FAM117A: variants seen among roughly 807,000 people sequenced by gnomAD.
The protein encoded by FAM117A is protein FAM117A.
FAM117A carries 21 observed loss-of-function variants against 44.1 expected under a neutral mutation model. That is an observed-to-expected ratio of 0.48 (90% CI 0.34 to 0.69). The LOEUF is 0.69. FAM117A is among the 30% of genes least tolerant of loss of function. The pLI, the probability that FAM117A is intolerant of heterozygous loss-of-function variation, is 0.01. For missense variants in FAM117A, 498 were observed against 589.9 expected (o/e 0.84, Z 1.61); for synonymous variants, 220 against 238.3 (o/e 0.92, Z 0.71).
intron 2 of FAM117A, among the ~76,000 whole-genome samples, chr17:49,726,113 G>T (rs1273409505): frequency 6.6e-6 from 1 of 152,182 alleles, no homozygotes; most frequent in Non-Finnish European, 1.5e-5. Context: ...CATTTCTGTG[G>T]TATTAAGCCA....
intron 1 of FAM117A, among the ~76,000 whole-genome samples, chr17:49,753,530 T>C (rs2073685328): frequency 6.6e-6 from 1 of 152,146 alleles, no homozygotes. Context: ...TCAAAACTAA[T>C]GAAGGCCAGG....
chr17:49,769,964 C>T (rs1206641236), intron 1 of FAM117A, among the ~76,000 whole-genome samples: 1 of 151,910 alleles, frequency 6.6e-6, no homozygotes, highest in Non-Finnish European at 1.5e-5. Flanking sequence ...TGCCTCAAAA[C>T]ATAAATAACT....
At chr17:49,717,192 C>T (rs1173741766) in intron 6 of FAM117A, among the ~76,000 whole-genome samples, 2 of 152,178 alleles carry the variant, frequency 1.3e-5, no homozygotes, top group Non-Finnish European at 2.9e-5. Context: ...GTACAGTGGA[C>T]ACCTGAATGA....
At position 49,711,187 on chromosome 17, in the gene FAM117A, G is replaced by C; in HGVS notation, c.*68C>G. On this transcript the variant is annotated 3_prime_UTR_variant, in exon 8 of 8. Coordinates refer to ENST00000240364, the MANE Select transcript of FAM117A (RefSeq NM_030802.4). ...AGGGCCCCTCCATACCCCATCTCAG[G>C]GGACCTGGGGAGGGACCTGCCACCA... 1 of 1,452,006 alleles carries C rather than the reference G, an allele frequency of 6.9e-7. No individual in the cohort carries two copies. Among genetic ancestry groups the C allele is most frequent in the Non-Finnish European group, 9.3e-7 (1 of 1,077,492 alleles). 89.9% of individuals were successfully genotyped at this position (1,452,006 alleles called of 1,614,324 possible). A position where few individuals can be genotyped will look rare whatever the true frequency, so the allele number is the denominator to read the frequency against.
At position 49,711,091 on chromosome 17, in the gene FAM117A, G is replaced by A; in HGVS notation, c.*164C>T. On this transcript the variant is annotated 3_prime_UTR_variant, in exon 8 of 8. Coordinates refer to ENST00000240364, the MANE Select transcript of FAM117A (RefSeq NM_030802.4). Reference sequence around the variant, plus strand: ...GGTCCCATCACGTTCAGAGGGGCCGGTGCCCATCAAAAAGAGGACCCAGGG... The same window carrying A: ...GGTCCCATCACGTTCAGAGGGGCCGATGCCCATCAAAAAGAGGACCCAGGG... The A allele has an allele frequency of 1.2e-5, 8 of 647,408 alleles. No individual in the cohort carries two copies. The highest frequency in any genetic ancestry group is 4.4e-4 in the Middle Eastern group (1 of 2,296). The allele number at this position is 647,408 out of a possible 1,614,324, so 40.1% of individuals were successfully genotyped here. A position where few individuals can be genotyped will look rare whatever the true frequency, so the allele number is the denominator to read the frequency against.
chr17:49,745,001 G>A (rs2073649077), intron 1 of FAM117A, among the ~76,000 whole-genome samples: 1 of 122,972 alleles, frequency 8.1e-6, no homozygotes, highest in Non-Finnish European at 1.6e-5. Flanking sequence ...GAGACAGAGC[G>A]AGACTCTGTC....
intron 1 of FAM117A, among the ~76,000 whole-genome samples, chr17:49,748,261 A>G (rs762323012): frequency 1.3e-5 from 2 of 152,236 alleles, no homozygotes; most frequent in African/African-American, 4.8e-5. Flanking sequence ...TTAATTACCA[A>G]TAAGTCCTAA....
intron 1 of FAM117A, among the ~76,000 whole-genome samples, chr17:49,770,841 T>C (rs932284417): frequency 1.3e-5 from 2 of 151,784 alleles, no homozygotes; most frequent in Non-Finnish European, 2.9e-5. Flanking sequence ...GAGGTGGAGG[T>C]TGCAGTGAGC....
In FAM117A at chr17:49,729,784, G is replaced by A. The variant is rs867578732; in HGVS notation, c.366+2767C>T. On this transcript the variant is annotated intron_variant, in intron 2 of 7. Transcript: ENST00000240364. ...CTCCCAAAGTGCTGGGATTACAGGC[G>A]TGAGCCACCATGCCTGGCCATATTA... Among the ~76,000 whole-genome samples, 7 of 152,150 alleles carry A rather than the reference G, an allele frequency of 4.6e-5. No homozygotes were observed. The South Asian group carries it at 6.2e-4, about 14-fold the overall frequency.
rs865913284 is a variant in FAM117A at position 49,751,281 on chromosome 17, A to G, written c.196+12611T>C. ...GCAACAAGAGCAAAATCTGTCTCCA[A>G]AAAAAAAAAAAAAAAAAAGCCGGGC... On this transcript the variant is annotated intron_variant, in intron 1 of 7. Transcript: ENST00000240364. Among the ~76,000 whole-genome samples the G allele has an allele frequency of 2.0e-4, 29 of 142,100 alleles. 1 individual carries two copies. Among genetic ancestry groups the G allele is most frequent in the Middle Eastern group, 7.4e-3 (2 of 272 alleles). The allele number at this position is 142,100 out of a possible 152,430, so 93.2% of individuals were successfully genotyped here.
At chr17:49,728,636 C>T (rs556129405) in intron 2 of FAM117A, among the ~76,000 whole-genome samples, 2 of 152,230 alleles carry the variant, frequency 1.3e-5, no homozygotes, top group South Asian at 2.1e-4. Context: ...AGACCACTTC[C>T]TCCCTCCAGA....
upstream of FAM117A, among the ~76,000 whole-genome samples, chr17:49,767,196 A>C (rs1311183897): frequency 1.3e-5 from 2 of 152,170 alleles, no homozygotes; most frequent in African/African-American, 4.8e-5. Context: ...GAGGATAAGG[A>C]CTACATCTGA....
At chr17:49,743,124 A>G (rs561903894) in intron 1 of FAM117A, among the ~76,000 whole-genome samples, 1 of 152,334 alleles carries the variant, frequency 6.6e-6, no homozygotes, top group East Asian at 1.9e-4. Context: ...GTGTTTTGTT[A>G]TCAGACTCAA....
intron 1 of FAM117A, among the ~76,000 whole-genome samples, chr17:49,787,715 T>C (rs1206346479): frequency 6.6e-6 from 1 of 152,238 alleles, no homozygotes; most frequent in African/African-American, 2.4e-5. Context: ...TGCTCTCCAC[T>C]TTCCAGCCTT....
At chr17:49,784,364 C>G (rs75306611) in intron 1 of FAM117A, among the ~76,000 whole-genome samples, 1,933 of 152,300 alleles carry the variant, frequency 0.013, 9 homozygotes, top group Non-Finnish European at 0.02. Context: ...CCCTCCTACT[C>G]TGATCAGTGC....
At chr17:49,716,765 C>T (rs981680488) in intron 6 of FAM117A, among the ~76,000 whole-genome samples, 5 of 152,328 alleles carry the variant, frequency 3.3e-5, no homozygotes, top group Middle Eastern at 3.4e-3. Flanking sequence ...CTTTACTCAA[C>T]CCCACTTGTA....
chr17:49,734,198 C>T (rs1332997724), intron 1 of FAM117A, among the ~76,000 whole-genome samples: 1 of 150,964 alleles, frequency 6.6e-6, no homozygotes, highest in Non-Finnish European at 1.5e-5. Flanking sequence ...GAACAAAACA[C>T]TTTCACATCT....
intron 2 of FAM117A, chr17:49,724,310 G>A (rs1052254156): frequency 5.3e-5 from 24 of 454,574 alleles, no homozygotes; most frequent in African/African-American, 4.2e-4. Flanking sequence ...GTCCCTGGAA[G>A]GTGGCAGAGG....
intron 1 of FAM117A, among the ~76,000 whole-genome samples, chr17:49,774,514 C>T (rs997248247): frequency 6.6e-6 from 1 of 152,160 alleles, no homozygotes; most frequent in Non-Finnish European, 1.5e-5. Context: ...CTCGCACCAT[C>T]ATGCCCAGCT....
Sources: allele counts gnomAD v4.1 joint callset (sites outside exome capture counted in the v4.1 genomes callset), GRCh38; gene constraint gnomAD v4.1.1; transcripts MANE v1.5; gene names NCBI Gene and HGNC (gene_info 2026-07-23, HGNC 2026-07-21).